The following SEC62 variants were observed in gnomAD, a reference collection of about 807,000 sequenced individuals.
SEC62 encodes translocation protein SEC62.
A neutral mutation model predicts 47.5 loss-of-function variants in SEC62; 10 were observed. The ratio of observed to expected loss-of-function variants is 0.21; its 90% CI spans 0.13 to 0.36. SEC62 has a LOEUF of 0.36. SEC62 is among the 10% of genes least tolerant of loss of function. SEC62 has a pLI of 1.00. For missense variants in SEC62, 327 were observed against 464.1 expected (o/e 0.70, Z 2.71); for synonymous variants, 136 against 150.5 (o/e 0.90, Z 0.71).
chr3:169,971,866 C>G (rs1473158106), intron 1 of SEC62, among the ~76,000 whole-genome samples: 1 of 152,142 alleles, frequency 6.6e-6, no homozygotes, highest in African/African-American at 2.4e-5. Context: ...TTGTATCATG[C>G]CTAAATTTGA....
At chr3:169,989,683 C>T (rs950113584) in intron 7 of SEC62, among the ~76,000 whole-genome samples, 1 of 151,950 alleles carries the variant, frequency 6.6e-6, no homozygotes, top group African/African-American at 2.4e-5. Context: ...AACCAGTGTT[C>T]ACAATAGTTT....
Position 169,993,126 on chromosome 3 carries a change from T to C in SEC62, c.*63T>C. The C allele has an allele frequency of 8.3e-7, 1 of 1,198,946 alleles. No individual in the cohort carries two copies. The highest frequency in any genetic ancestry group is 1.2e-6 in the Non-Finnish European group (1 of 862,980). 74.3% of individuals were successfully genotyped at this position (1,198,946 alleles called of 1,614,324 possible). A position where few individuals can be genotyped will look rare whatever the true frequency, so the allele number is the denominator to read the frequency against. On this transcript the variant is annotated 3_prime_UTR_variant, in exon 8 of 8. Coordinates refer to ENST00000337002, the MANE Select transcript of SEC62 (RefSeq NM_003262.4). ...GGTTGGATTTTCTATGTTGGCTGAT[T>C]ACCATATTGAACACATGGCATTTGT...
At chr3:169,984,477 C>T (rs79031741) in intron 5 of SEC62, among the ~76,000 whole-genome samples, 3,694 of 152,224 alleles carry the variant, frequency 0.024, 167 homozygotes, top group African/African-American at 0.085. Flanking sequence ...TGAGCTTAGA[C>T]TTGAAGATGA....
rs1715393187 is a variant in SEC62 at position 169,997,009 on chromosome 3, T to C, written c.*3946T>C. 1 of 152,234 alleles carries C rather than the reference T, an allele frequency of 6.6e-6. No individual in the cohort carries two copies. Among genetic ancestry groups the C allele is most frequent in the South Asian group, 2.1e-4 (1 of 4,834 alleles). 9.4% of individuals were successfully genotyped at this position (152,234 alleles called of 1,614,324 possible). On this transcript the variant is annotated 3_prime_UTR_variant, in exon 8 of 8. Coordinates refer to ENST00000337002, the MANE Select transcript of SEC62 (RefSeq NM_003262.4). Reference sequence around the variant, plus strand: ...TCACCAAACATTAGAAAAGATCTCATAACTTTATACAGCATGTTGTAAGCA... The same window carrying C: ...TCACCAAACATTAGAAAAGATCTCACAACTTTATACAGCATGTTGTAAGCA...
chr3:169,982,770 C>T lies in SEC62; in HGVS notation c.315C>T (p.Asp105=), dbSNP rs887591979. The T allele has an allele frequency of 2.3e-5, 36 of 1,565,736 alleles. No homozygotes were observed. Among genetic ancestry groups the T allele is most frequent in the Non-Finnish European group, 6.1e-6 (7 of 1,156,870 alleles). The part of the protein sequence containing the change: ...LKVMKMKYDK[D]IKKEKDKGKA... Reference sequence around the variant, plus strand: ...TAATGAAAATGAAATATGATAAAGACATAAAGAAAGAAAAAGATAAAGGAA... The same window carrying T: ...TAATGAAAATGAAATATGATAAAGATATAAAGAAAGAAAAAGATAAAGGAA... Residue 105 remains aspartate (D), a synonymous_variant, in exon 4 of 8, where the codon GAC becomes GAT. Coordinates refer to ENST00000337002, the MANE Select transcript of SEC62 (RefSeq NM_003262.4).
intron 1 of SEC62, among the ~76,000 whole-genome samples, chr3:169,973,732 C>A (rs536137229): frequency 6.6e-6 from 1 of 151,670 alleles, no homozygotes; most frequent in East Asian, 1.9e-4. Context: ...TTCATAAATA[C>A]TTGGTTTTTA....
At chr3:169,969,356 A>C (rs1714636398) in intron 1 of SEC62, 1 of 456,460 alleles carries the variant, frequency 2.2e-6, no homozygotes, top group African/African-American at 2.0e-5. Flanking sequence ...TCCTTCTTGG[A>C]CTCATTACTG....
chr3:169,968,810 T>C (rs1266258964), intron 1 of SEC62, among the ~76,000 whole-genome samples: 1 of 152,192 alleles, frequency 6.6e-6, no homozygotes, highest in East Asian at 1.9e-4. Flanking sequence ...TTCTATTATT[T>C]GAGGATTGAT....
At chr3:169,990,078 CATAT>C (rs1450336370) in intron 7 of SEC62, among the ~76,000 whole-genome samples, 1 of 147,488 alleles carries the variant, frequency 6.8e-6, no homozygotes, top group Middle Eastern at 3.3e-3. Flanking sequence ...TATGATATCT[CATAT>C]TTATATGAAA....
At chr3:169,980,410 C>T (rs886341312) in intron 3 of SEC62, among the ~76,000 whole-genome samples, 6 of 151,656 alleles carry the variant, frequency 4.0e-5, no homozygotes, top group South Asian at 2.1e-4. Flanking sequence ...GCCAAACAAA[C>T]GGAGGCTCTG....
At chr3:169,976,890 A>T in intron 2 of SEC62, 56 bp from the exon 3 acceptor site, 2 of 1,178,590 alleles carry the variant, frequency 1.7e-6, no homozygotes, top group East Asian at 2.5e-5. Context: ...AATATTATTT[A>T]GATAGACATA....
Position 169,982,700 on chromosome 3 carries a change from C to T in SEC62, c.252-7C>T, listed in dbSNP as rs372449686. 14 of 1,604,868 alleles carry T rather than the reference C, an allele frequency of 8.7e-6. No homozygotes were observed. The African/African-American group carries it at 1.9e-4, about 22-fold the overall frequency. Reference sequence around the variant, plus strand: ...GGAGTGTAATGCCATACCTGTTTTTCCCAAAGGCTTTTAAAGAAGCAGTTT... The same window carrying T: ...GGAGTGTAATGCCATACCTGTTTTTTCCAAAGGCTTTTAAAGAAGCAGTTT... On this transcript the variant is annotated splice_region_variant and splice_polypyrimidine_tract_variant and intron_variant, in intron 3 of 7. Coordinates refer to ENST00000337002, the MANE Select transcript of SEC62 (RefSeq NM_003262.4).
chr3:169,982,775 A>C lies in SEC62; in HGVS notation c.320A>C (p.Lys107Thr). Reference sequence around the variant, plus strand: ...AAAATGAAATATGATAAAGACATAAAGAAAGAAAAAGATAAAGGAAAAGCT... The same window carrying C: ...AAAATGAAATATGATAAAGACATAACGAAAGAAAAAGATAAAGGAAAAGCT... ...VMKMKYDKDI[K>T]KEKDKGKAES... is the part of the protein sequence containing the mutation. The change falls in exon 4 of 8, where the codon AAG becomes ACG. Residue 107 changes from lysine (K) to threonine (T), a missense_variant. Transcript: ENST00000337002. 1.2e-6 allele frequency: 2 copies of C among 1,604,670 alleles called. No homozygotes were observed. Among genetic ancestry groups the C allele is most frequent in the Non-Finnish European group, 1.7e-6 (2 of 1,174,554 alleles).
intron 1 of SEC62, among the ~76,000 whole-genome samples, chr3:169,969,591 C>T (rs73043928): frequency 0.014 from 2,141 of 152,196 alleles, 61 homozygotes; most frequent in East Asian, 0.13. Context: ...CCAACACCCT[C>T]GTTTTTCAGA....
chr3:169,972,732 C>G (rs1714728980), intron 1 of SEC62, among the ~76,000 whole-genome samples: 1 of 151,644 alleles, frequency 6.6e-6, no homozygotes, highest in Non-Finnish European at 1.5e-5. Context: ...CCATCCTACT[C>G]TGTGTATTTC....
chr3:169,979,118 G>A (rs947741608), intron 3 of SEC62, among the ~76,000 whole-genome samples: 3 of 152,174 alleles, frequency 2.0e-5, no homozygotes, highest in South Asian at 2.1e-4. Context: ...AAAGACACTC[G>A]ATTTTCATTG....
At chr3:169,975,805 T>C in intron 2 of SEC62, 89 bp downstream of exon 2, 1 of 808,042 alleles carries the variant, frequency 1.2e-6, no homozygotes. Flanking sequence ...AAAAGTGCTT[T>C]CCAAATGTGA....
At position 169,985,806 on chromosome 3, in the gene SEC62, T is replaced by C; in HGVS notation, c.551T>C (p.Val184Ala). 3 of 1,610,742 alleles carry C rather than the reference T, an allele frequency of 1.9e-6. No individual in the cohort carries two copies. Among genetic ancestry groups the C allele is most frequent in the Non-Finnish European group, 2.5e-6 (3 of 1,178,264 alleles). Residue 184 changes from valine (V) to alanine (A), a missense_variant and splice_region_variant, in exon 6 of 8, where the codon GTG (valine) becomes GCG (alanine). Val to Ala is a moderately conservative substitution (Grantham distance 64, BLOSUM62 0). This residue lies in a region of SEC62 where 99 missense variants were observed against 194.0 expected (regional missense o/e 0.51). Transcript: ENST00000337002. ...ACCGAGGTTTCTTGATTCTTCTAGG[T>C]GTATGTATGGATCTATGACCCAGTT... ...DDQVFLDGNEVYVWIYDPVHF... is the reference protein window; with the variant it reads ...DDQVFLDGNEAYVWIYDPVHF...
chr3:169,993,764 T>C lies in SEC62; in HGVS notation c.*701T>C, dbSNP rs1008393906. 2.0e-5 allele frequency: 3 copies of C among 152,654 alleles called. No individual in the cohort carries two copies. Among genetic ancestry groups the C allele is most frequent in the Non-Finnish European group, 4.4e-5 (3 of 68,044 alleles). 9.5% of individuals were successfully genotyped at this position (152,654 alleles called of 1,614,324 possible). ...ATGGCTCTCCCTCCTCCCTCCCCATTTCATTGGCGTAACGTAAAGTGTATT... is the reference window on the plus strand; with the variant it reads ...ATGGCTCTCCCTCCTCCCTCCCCATCTCATTGGCGTAACGTAAAGTGTATT... On this transcript the variant is annotated 3_prime_UTR_variant, in exon 8 of 8. Coordinates refer to ENST00000337002, the MANE Select transcript of SEC62 (RefSeq NM_003262.4).
Sources: gnomAD v4.1 joint callset for allele counts (sites outside exome capture counted in the v4.1 genomes callset) on GRCh38, gnomAD v4.1.1 for gene constraint, gnomAD v4.1.1 regional missense constraint, MANE v1.5 for transcripts, NCBI Gene and HGNC (gene_info 2026-07-23, HGNC 2026-07-21) for gene names.